Variants in COBL observed in about 807,000 individuals in gnomAD.
The protein encoded by COBL is cordon-bleu WH2 repeat protein, also known as protein cordon-bleu.
COBL carries 51 observed loss-of-function variants against 98.8 expected under a neutral mutation model. The observed-to-expected ratio is 0.52, with a 90% confidence interval of 0.41 to 0.65. The LOEUF (loss-of-function observed/expected upper bound fraction) is 0.65, where lower values mean the gene tolerates loss of function less well. Ranked by LOEUF, COBL falls within the 30% of genes least tolerant of loss-of-function variation. The probability of loss-of-function intolerance (pLI) is 0.00; values close to 1 mark genes in which losing one functional copy is unlikely to be tolerated. For missense variants in COBL, 1,617 were observed against 1,617.5 expected, an observed-to-expected ratio of 1.00 and a Z score of 0.01; for synonymous variants, 634 against 651.7, an observed-to-expected ratio of 0.97 and a Z score of 0.41.
chr7:51,156,740 AC>A lies in COBL; in HGVS notation c.784-20410del, dbSNP rs1486257660. The A allele has an allele frequency of 2.7e-4, 42 of 155,114 alleles. No individual in the cohort carries two copies. In the South Asian group the frequency reaches 7.1e-3, roughly 26 times the overall value. The allele number at this position is 155,114 out of a possible 1,614,324, so 9.6% of individuals were successfully genotyped here. ...CACACACACACACACACACACACACACAATGAACTGTAGTTAAGGTGCACTT... is the reference window on the plus strand; with the variant it reads ...CACACACACACACACACACACACACAAATGAACTGTAGTTAAGGTGCACTT... On this transcript the variant is annotated intron_variant, in intron 5 of 12. Transcript: ENST00000265136.
intron 1 of COBL, among the ~76,000 whole-genome samples, chr7:51,258,126 T>C (rs1447567760): frequency 5.9e-5 from 9 of 152,230 alleles, no homozygotes; most frequent in Admixed American, 5.9e-4. Context: ...GTGAAGACAG[T>C]TATAACTGAC....
At chr7:51,174,553 T>C (rs989003268) in intron 5 of COBL, among the ~76,000 whole-genome samples, 3 of 152,178 alleles carry the variant, frequency 2.0e-5, no homozygotes, top group Non-Finnish European at 4.4e-5. Flanking sequence ...CACTCTACCC[T>C]TGAACCAAAT....
chr7:51,026,503 G>A, intron 11 of COBL, 43 bp downstream of exon 11: 2 of 1,604,138 alleles, frequency 1.2e-6, no homozygotes, highest in Non-Finnish European at 8.5e-7. Context: ...AGGGGTGGGT[G>A]GGTTTGAGCT....
chr7:51,168,706 T>C (rs759242567), intron 5 of COBL, among the ~76,000 whole-genome samples: 2 of 152,186 alleles, frequency 1.3e-5, no homozygotes, highest in African/African-American at 2.4e-5. Context: ...GAGAACTGTT[T>C]GGTGGTTCCT....
intron 1 of COBL, among the ~76,000 whole-genome samples, chr7:51,220,349 T>G (rs1793518390): frequency 6.6e-6 from 1 of 152,144 alleles, no homozygotes; most frequent in Non-Finnish European, 1.5e-5. Context: ...TATTAAATCT[T>G]GCCCCAGCTC....
At chr7:51,189,291 T>C (rs1055121322) in intron 4 of COBL, among the ~76,000 whole-genome samples, 6 of 152,174 alleles carry the variant, frequency 3.9e-5, no homozygotes, top group African/African-American at 1.2e-4. Flanking sequence ...AGAGGAAGGC[T>C]GGACAGAGAT....
In COBL at chr7:51,223,585, A is replaced by G. The variant is rs565269274; in HGVS notation, c.42-3641T>C. On this transcript the variant is annotated intron_variant, in intron 1 of 12. Coordinates refer to ENST00000265136, the MANE Select transcript of COBL (RefSeq NM_015198.5). ...CCTCCACTCTTCTGGCAATTGGCCT[A>G]CAGCTCCAGTTTCCAGGAAACCAAC... Among the ~76,000 whole-genome samples, 3 of 152,316 alleles carry G rather than the reference A, an allele frequency of 2.0e-5. No homozygotes were observed. The East Asian group carries it at 5.8e-4, about 29-fold the overall frequency.
chr7:51,304,711 T>C (rs1188720149), intron 1 of COBL, among the ~76,000 whole-genome samples: 1 of 151,890 alleles, frequency 6.6e-6, no homozygotes, highest in Non-Finnish European at 1.5e-5. Flanking sequence ...AATGGGAAAA[T>C]AACAATATTT....
chr7:51,086,631 A>G (rs570782261), intron 6 of COBL, among the ~76,000 whole-genome samples: 10 of 42,878 alleles, frequency 2.3e-4, no homozygotes, highest in East Asian at 2.3e-3. Flanking sequence ...AATGAGAGGG[A>G]GAGAGAGAGA....
rs545721083 is a variant in COBL at position 51,156,585 on chromosome 7, C to A, written c.784-20254G>T. 1.1e-4 allele frequency: 106 copies of A among 985,050 alleles called. No individual in the cohort carries two copies. In the African/African-American group the frequency reaches 1.8e-3, roughly 17 times the overall value. The allele number at this position is 985,050 out of a possible 1,614,324, so 61.0% of individuals were successfully genotyped here. A position where few individuals can be genotyped will look rare whatever the true frequency, so the allele number is the denominator to read the frequency against. On this transcript the variant is annotated intron_variant, in intron 5 of 12. Coordinates refer to ENST00000265136, the MANE Select transcript of COBL (RefSeq NM_015198.5). Reference sequence around the variant, plus strand: ...TCTTAGCCAAGCAAATAAAAGAATTCTCTGATCCTTCTCACCCCACATGGA... The same window carrying A: ...TCTTAGCCAAGCAAATAAAAGAATTATCTGATCCTTCTCACCCCACATGGA...
chr7:51,295,065 T>A (rs1391732863), intron 1 of COBL, among the ~76,000 whole-genome samples: 1 of 152,030 alleles, frequency 6.6e-6, no homozygotes, highest in East Asian at 1.9e-4. Flanking sequence ...GGCAGGCAGA[T>A]CACCTGAGGT....
chr7:51,021,719 C>T (rs1421706912), intron 12 of COBL, among the ~76,000 whole-genome samples: 2 of 152,198 alleles, frequency 1.3e-5, no homozygotes, highest in East Asian at 1.9e-4. Context: ...ATAATATACA[C>T]GAAAGTGTAT....
At position 51,146,369 on chromosome 7, in the gene COBL, A is replaced by G. The variant is rs1027338892; in HGVS notation, c.784-10038T>C. The stretch of plus-strand genomic sequence containing the variant: ...CAAAGCATAACGGCTGGTCAAGTGC[A>G]CATCCCCATGACTGCAGGGAGGGGC... On this transcript the variant is annotated intron_variant, in intron 5 of 12. Coordinates refer to ENST00000265136, the MANE Select transcript of COBL (RefSeq NM_015198.5). 5.9e-5 allele frequency among the ~76,000 whole-genome samples: 9 copies of G among 152,298 alleles called. No individual in the cohort carries two copies. The South Asian group carries it at 1.9e-3, about 32-fold the overall frequency.
chr7:51,311,298 G>A (rs1803014186), intron 1 of COBL, among the ~76,000 whole-genome samples: 1 of 152,208 alleles, frequency 6.6e-6, no homozygotes, highest in Non-Finnish European at 1.5e-5. Context: ...CACCCCAAGA[G>A]GCCACAGGGT....
chr7:51,089,856 A>T (rs948534248), intron 6 of COBL, among the ~76,000 whole-genome samples: 1 of 151,976 alleles, frequency 6.6e-6, no homozygotes, highest in Non-Finnish European at 1.5e-5. Context: ...TGGTAAAAAC[A>T]CTTAAAATCA....
intron 1 of COBL, among the ~76,000 whole-genome samples, chr7:51,316,030 C>A (rs983693815): frequency 1.3e-5 from 2 of 152,234 alleles, no homozygotes; most frequent in African/African-American, 2.4e-5. Flanking sequence ...GCCATGAAAC[C>A]CTCCGGGCAA....
intron 6 of COBL, among the ~76,000 whole-genome samples, chr7:51,101,971 T>C (rs1301878717): frequency 6.6e-6 from 1 of 152,150 alleles, no homozygotes; most frequent in Non-Finnish European, 1.5e-5. Context: ...CCTTCATGAA[T>C]GGCATTAGAG....
intron 5 of COBL, among the ~76,000 whole-genome samples, chr7:51,163,478 T>C (rs2129036786): frequency 6.6e-6 from 1 of 152,296 alleles, no homozygotes; most frequent in Admixed American, 6.5e-5. Context: ...TGGGAGCCAT[T>C]ATTATTTTAA....
intron 5 of COBL, among the ~76,000 whole-genome samples, chr7:51,159,249 G>A (rs748916072): frequency 2.6e-5 from 4 of 152,310 alleles, no homozygotes; most frequent in South Asian, 4.1e-4. Context: ...AAGTGGAGCC[G>A]CCAGGAGGCC....
Sources: allele counts gnomAD v4.1 joint callset (sites outside exome capture counted in the v4.1 genomes callset), GRCh38; gene constraint gnomAD v4.1.1; transcripts MANE v1.5; gene names NCBI Gene and HGNC (gene_info 2026-07-23, HGNC 2026-07-21).